KIAA0319L: variants seen among roughly 807,000 people sequenced by gnomAD.
KIAA0319L encodes the protein dyslexia-associated protein KIAA0319-like protein.
In KIAA0319L, 55 loss-of-function variants were observed where a neutral mutation model predicts 120.1. The observed-to-expected ratio is 0.46, with a 90% confidence interval of 0.37 to 0.57. The LOEUF (loss-of-function observed/expected upper bound fraction) is 0.57. Ranked by LOEUF, KIAA0319L falls within the 20% of genes least tolerant of loss-of-function variation. The pLI is 0.00. For missense variants in KIAA0319L, 1,049 were observed against 1,255.3 expected, an observed-to-expected ratio of 0.84 and a Z score of 2.48; for synonymous variants, 398 against 471.9, an observed-to-expected ratio of 0.84 and a Z score of 2.03.
At chr1:35,490,839 C>T (rs1644565199) in intron 3 of KIAA0319L, among the ~76,000 whole-genome samples, 1 of 152,158 alleles carries the variant, frequency 6.6e-6, no homozygotes, top group African/African-American at 2.4e-5. Flanking sequence ...CCTTCCTGTT[C>T]TCATGATAGT....
chr1:35,519,403 C>T (rs1635717), intron 2 of KIAA0319L, among the ~76,000 whole-genome samples: 35,045 of 152,104 alleles, frequency 0.23, 8,594 homozygotes, highest in African/African-American at 0.58. Flanking sequence ...TCTAATTCTA[C>T]GTAAACTTCC....
At chr1:35,469,241 C>T (rs1388185066) in intron 6 of KIAA0319L, among the ~76,000 whole-genome samples, 1 of 152,174 alleles carries the variant, frequency 6.6e-6, no homozygotes, top group African/African-American at 2.4e-5. Flanking sequence ...GTTGTCTAGG[C>T]TGGTGGTTTT....
chr1:35,454,711 G>T (rs1642317934), intron 10 of KIAA0319L: 2 of 1,120,184 alleles, frequency 1.8e-6, no homozygotes, highest in Non-Finnish European at 2.4e-6. Flanking sequence ...CACAGCAGCA[G>T]TTTCAAATAA....
At chr1:35,485,721 T>C (rs201637127) in intron 3 of KIAA0319L, among the ~76,000 whole-genome samples, 126 of 152,362 alleles carry the variant, frequency 8.3e-4, no homozygotes, top group Non-Finnish European at 1.4e-3. Flanking sequence ...TTGCCACTTT[T>C]AGTTGGCAAA....
At chr1:35,456,307 GACT>G in intron 9 of KIAA0319L, 66 bp from the exon 10 acceptor site, 1 of 1,072,186 alleles carries the variant, frequency 9.3e-7, no homozygotes, top group East Asian at 2.4e-5. Context: ...AACACTAGAA[GACT>G]GAAAATTAAG....
intron 3 of KIAA0319L, among the ~76,000 whole-genome samples, chr1:35,496,946 C>CAAAAAAAAAAAAAAAAAAAA (rs1558484218): frequency 1.6e-5 from 1 of 64,394 alleles, no homozygotes. Context: ...GATTGTGTCT[C>CAAAAAAAAAAAAAAAAAAAA]CAAAAAAAAA....
intron 3 of KIAA0319L, among the ~76,000 whole-genome samples, chr1:35,495,374 AAAAT>A (rs1477495506): frequency 6.6e-6 from 1 of 152,200 alleles, no homozygotes; most frequent in African/African-American, 2.4e-5. Flanking sequence ...CAAAAATTAA[AAAAT>A]AAATAAAATT....
In KIAA0319L at chr1:35,460,328, G is replaced by A. The variant is rs1292094379; in HGVS notation, c.1404C>T (p.Leu468=). ...EDTAILKLSK[L]VPGNYTFSLT... ...ACCTGAAAGTGTAGTTCCCAGGGAC[G>A]AGTTTACTTAGTTTTAATATGGCTG... Residue 468 remains leucine, a synonymous_variant, in exon 9 of 21, where the codon CTC becomes CTT. Transcript: ENST00000325722. The A allele has an allele frequency of 2.5e-6, 4 of 1,612,614 alleles. No homozygotes were observed. Among genetic ancestry groups the A allele is most frequent in the South Asian group, 1.1e-5 (1 of 90,672 alleles).
In KIAA0319L at chr1:35,449,838, TACTCAGCCTCATC is replaced by T; in HGVS notation, c.2353+16_2353+28del. 1 of 1,612,388 alleles carries T rather than the reference TACTCAGCCTCATC, an allele frequency of 6.2e-7. No individual in the cohort carries two copies. Among genetic ancestry groups the T allele is most frequent in the Non-Finnish European group, 8.5e-7 (1 of 1,179,084 alleles). On this transcript the variant is annotated intron_variant, in intron 15 of 20. Coordinates refer to ENST00000325722, the MANE Select transcript of KIAA0319L (RefSeq NM_024874.5). ...CCTTGATTGGCTGATTCAGCAATTC[TACTCAGCCTCATC>T]ACTAAATGAACTCACCAGGTTTCAC...
chr1:35,522,115 G>A (rs1645945618), intron 2 of KIAA0319L, among the ~76,000 whole-genome samples: 1 of 152,146 alleles, frequency 6.6e-6, no homozygotes, highest in Non-Finnish European at 1.5e-5. Context: ...AGAGCAGTAT[G>A]TATAGCATGC....
intron 9 of KIAA0319L, among the ~76,000 whole-genome samples, chr1:35,456,898 G>A (rs1370891134): frequency 7.9e-6 from 1 of 127,238 alleles, no homozygotes; most frequent in African/African-American, 3.4e-5. Context: ...GAGGGAGGGA[G>A]GGAAAGAAGG....
upstream of KIAA0319L, chr1:35,557,568 C>A (rs1648311411): frequency 2.4e-6 from 1 of 414,232 alleles, no homozygotes; most frequent in Admixed American, 2.7e-5. Flanking sequence ...GAATCTGGGC[C>A]CCCAGCCTCT....
At chr1:35,534,567 TAACA>T (rs1646493643) in intron 2 of KIAA0319L, among the ~76,000 whole-genome samples, 1 of 152,062 alleles carries the variant, frequency 6.6e-6, no homozygotes, top group Non-Finnish European at 1.5e-5. Flanking sequence ...TTGAAAAGAA[TAACA>T]ATCGGTGGCC....
chr1:35,453,455 G>T lies in KIAA0319L; in HGVS notation c.1913+102C>A. ...CATTTCTTCCTCAGTCACCCCACTG[G>T]ATAAGCCAATAAGAGCAACTCAACT... is the stretch of plus-strand genomic sequence containing the variant. On this transcript the variant is annotated intron_variant, in intron 12 of 20. Coordinates refer to ENST00000325722, the MANE Select transcript of KIAA0319L (RefSeq NM_024874.5). The surrounding 1 kb of genome is among the most constrained non-coding windows in gnomAD (Gnocchi z 4.1). 3 of 1,079,422 alleles carry T rather than the reference G, an allele frequency of 2.8e-6. No homozygotes were observed. Among genetic ancestry groups the T allele is most frequent in the Non-Finnish European group, 4.1e-6 (3 of 731,536 alleles). The allele number at this position is 1,079,422 out of a possible 1,614,324, so 66.9% of individuals were successfully genotyped here.
chr1:35,436,872 AC>A (rs1317151178), intron 20 of KIAA0319L, among the ~76,000 whole-genome samples: 3 of 151,944 alleles, frequency 2.0e-5, no homozygotes, highest in African/African-American at 7.3e-5. Context: ...CAACGGACCC[AC>A]TCAGTTTACC....
intron 2 of KIAA0319L, among the ~76,000 whole-genome samples, chr1:35,553,221 ATCTCTTTTTTTTAAAGAAGT>A: frequency 6.6e-6 from 1 of 152,132 alleles, no homozygotes; most frequent in Non-Finnish European, 1.5e-5. Flanking sequence ...ACAAGACCCC[ATCTCTTTTTTTTAAAGAAGT>A]GATTTTTCCC....
rs1470422163 is a variant in KIAA0319L at position 35,434,780 on chromosome 1, G to A, written c.*114C>T. On this transcript the variant is annotated 3_prime_UTR_variant, in exon 21 of 21. Transcript: ENST00000325722. ...AGTCCCAGGGGTTCTGGTTGGGACT[G>A]TCAGGGCGAAATGACCAGCAGATGC... 1 of 888,074 alleles carries A rather than the reference G, an allele frequency of 1.1e-6. No individual in the cohort carries two copies. Among genetic ancestry groups the A allele is most frequent in the Non-Finnish European group, 1.7e-6 (1 of 586,340 alleles). 55.0% of individuals were successfully genotyped at this position (888,074 alleles called of 1,614,324 possible). A position where few individuals can be genotyped will look rare whatever the true frequency, so the allele number is the denominator to read the frequency against.
intron 2 of KIAA0319L, among the ~76,000 whole-genome samples, chr1:35,513,300 T>A (rs968422086): frequency 1.4e-5 from 2 of 142,196 alleles, no homozygotes; most frequent in African/African-American, 2.6e-5. Context: ...TTTTTTTTTT[T>A]TTTTTTTCTG....
chr1:35,557,480 C>T (rs933052781), upstream of KIAA0319L: 16 of 354,472 alleles, frequency 4.5e-5, no homozygotes, highest in South Asian at 2.4e-4. Context: ...GCCCCTCCCC[C>T]GGGAAGGGCA....
Sources: allele counts gnomAD v4.1 joint callset (sites outside exome capture counted in the v4.1 genomes callset), GRCh38; gene constraint gnomAD v4.1.1; non-coding constraint Gnocchi (gnomAD v3.1); transcripts MANE v1.5; gene names NCBI Gene and HGNC (gene_info 2026-07-23, HGNC 2026-07-21).